The following WNT4 variants were observed in gnomAD, a reference collection of about 807,000 sequenced individuals.
WNT4 encodes the protein Wnt family member 4.
Under a neutral mutation model 34.5 loss-of-function variants are expected in WNT4, and 16 were observed. The observed-to-expected ratio is 0.46, with a 90% CI of 0.31 to 0.70. The LOEUF is 0.70. Ranked by LOEUF, WNT4 falls within the 30% of genes least tolerant of loss-of-function variation. WNT4 has a pLI of 0.04. For synonymous variants in WNT4, 200 were observed against 211.9 expected (o/e 0.94, Z 0.49); for missense variants, 379 against 495.9 (o/e 0.76, Z 2.24).
chr1:22,141,860 C>T (rs558842262), intron 1 of WNT4, among the ~76,000 whole-genome samples: 1 of 152,338 alleles, frequency 6.6e-6, no homozygotes, highest in South Asian at 2.1e-4. Flanking sequence ...TGTTGGCGAT[C>T]CCCCTTCCCA....
At chr1:22,130,734 G>A (rs776530525) in intron 1 of WNT4, among the ~76,000 whole-genome samples, 2 of 152,248 alleles carry the variant, frequency 1.3e-5, no homozygotes, top group Non-Finnish European at 2.9e-5. Context: ...TGGAGCAAGA[G>A]GGATCTGTGT....
At chr1:22,125,556 A>G (rs1188699834) in intron 2 of WNT4, among the ~76,000 whole-genome samples, 1 of 152,146 alleles carries the variant, frequency 6.6e-6, no homozygotes, top group African/African-American at 2.4e-5. Flanking sequence ...GACATGGGGA[A>G]TGGACAGACA....
chr1:22,138,678 C>T (rs1349794532), intron 1 of WNT4, among the ~76,000 whole-genome samples: 1 of 152,116 alleles, frequency 6.6e-6, no homozygotes, highest in East Asian at 1.9e-4. Context: ...GGATTTTTGA[C>T]TATTTAGAGG....
chr1:22,138,192 G>A (rs1307201881), intron 1 of WNT4, among the ~76,000 whole-genome samples: 3 of 152,310 alleles, frequency 2.0e-5, no homozygotes, highest in African/African-American at 4.8e-5. Flanking sequence ...TCTGGACATG[G>A]GAGAGCAGTT....
chr1:22,134,894 C>T lies in WNT4; in HGVS notation c.78-5043G>A, dbSNP rs1452037836. 6.6e-6 allele frequency among the ~76,000 whole-genome samples: 1 copy of T among 152,116 alleles called. No individual in the cohort carries two copies. Among genetic ancestry groups the T allele is most frequent in the Non-Finnish European group, 1.5e-5 (1 of 68,020 alleles). ...CTTGGCCCTCTTAGTCCTGGGTTCC[C>T]AGTCTTTTTTTCAGCTGATCATGCC... On this transcript the variant is annotated intron_variant, in intron 1 of 4. Transcript: ENST00000290167. This position sits in a 1 kb window ranked among gnomAD's most constrained non-coding sequence, Gnocchi z 4.1.
intron 2 of WNT4, among the ~76,000 whole-genome samples, chr1:22,126,877 G>A (rs1337217990): frequency 1.3e-5 from 2 of 152,222 alleles, no homozygotes; most frequent in East Asian, 3.8e-4. Flanking sequence ...GGACACAGAT[G>A]CTCAGGGGAG....
At chr1:22,122,942 G>A (rs1411425720) in intron 2 of WNT4, among the ~76,000 whole-genome samples, 1 of 152,198 alleles carries the variant, frequency 6.6e-6, no homozygotes, top group African/African-American at 2.4e-5. Flanking sequence ...TCTCCACCCT[G>A]GCTTGGCCAT....
In WNT4 at chr1:22,142,418, C is replaced by G. The variant is rs1357492127; in HGVS notation, c.77+428G>C. ...GCTCGGCGCAGCTCGGCGCTGGGAG[C>G]TCGCTCCGGACTTCTCGGGATTAAC... On this transcript the variant is annotated intron_variant, in intron 1 of 4. Transcript: ENST00000290167. The surrounding 1 kb of genome is among the most constrained non-coding windows in gnomAD (Gnocchi z 6.0). Among the ~76,000 whole-genome samples the G allele has an allele frequency of 6.7e-6, 1 of 149,318 alleles. No homozygotes were observed.
chr1:22,140,076 T>C lies in WNT4; in HGVS notation c.77+2770A>G, dbSNP rs1646054095. The C allele has an allele frequency of 9.1e-6, 6 of 661,156 alleles. No homozygotes were observed. Among genetic ancestry groups the C allele is most frequent in the Non-Finnish European group, 1.1e-5 (6 of 533,568 alleles). 41.0% of individuals were successfully genotyped at this position (661,156 alleles called of 1,614,324 possible). A position where few individuals can be genotyped will look rare whatever the true frequency, so the allele number is the denominator to read the frequency against. On this transcript the variant is annotated intron_variant, in intron 1 of 4. Coordinates refer to ENST00000290167, the MANE Select transcript of WNT4 (RefSeq NM_030761.5). The surrounding 1 kb of genome is among the most constrained non-coding windows in gnomAD (Gnocchi z 5.9). ...CTGAGACAACAGATAGTCCTGGCTC[T>C]CGCCACTGGCCAGCAGACCCACCCT... is the stretch of plus-strand genomic sequence containing the variant.
At chr1:22,133,004 C>T (rs1213856570) in intron 1 of WNT4, among the ~76,000 whole-genome samples, 3 of 152,124 alleles carry the variant, frequency 2.0e-5, no homozygotes, top group Admixed American at 6.6e-5. Flanking sequence ...ATCCAACTAG[C>T]ATTTGGCTCC....
rs527627594 is a variant in WNT4 at position 22,140,816 on chromosome 1, G to A, written c.77+2030C>T. ...GCTGGGTCATCCAGAGACCTGCTTC[G>A]TGGCAACCTGAACCATCACCGTTGC... On this transcript the variant is annotated intron_variant, in intron 1 of 4. Transcript: ENST00000290167. This position sits in a 1 kb window ranked among gnomAD's most constrained non-coding sequence, Gnocchi z 5.9. 2.6e-5 allele frequency among the ~76,000 whole-genome samples: 4 copies of A among 152,306 alleles called. No homozygotes were observed. Among genetic ancestry groups the A allele is most frequent in the East Asian group, 1.9e-4 (1 of 5,182 alleles).
chr1:22,120,844 C>T (rs1382018260), intron 4 of WNT4, among the ~76,000 whole-genome samples: 4 of 152,108 alleles, frequency 2.6e-5, no homozygotes, highest in Non-Finnish European at 5.9e-5. Context: ...GGGGAGTAGG[C>T]ATCCAGAAGG....
At chr1:22,120,587 C>T in intron 4 of WNT4, 70 bp from the exon 5 acceptor site, 1 of 1,493,984 alleles carries the variant, frequency 6.7e-7, no homozygotes, top group Admixed American at 2.0e-5. Context: ...GCCGCGGAGG[C>T]TGACAGCCGA....
chr1:22,124,242 G>A (rs539623544), intron 2 of WNT4, among the ~76,000 whole-genome samples: 1 of 152,346 alleles, frequency 6.6e-6, no homozygotes, highest in African/African-American at 2.4e-5. Context: ...AAGGGACGAA[G>A]GCAATCCTCG....
Position 22,142,001 on chromosome 1 carries a change from G to A in WNT4, c.77+845C>T, listed in dbSNP as rs1431442300. On this transcript the variant is annotated intron_variant, in intron 1 of 4. Coordinates refer to ENST00000290167, the MANE Select transcript of WNT4 (RefSeq NM_030761.5). The surrounding 1 kb of genome is among the most constrained non-coding windows in gnomAD (Gnocchi z 6.0). ...GGGGCATGGGGAACTGTCCCTGAGC[G>A]GGGATGAAAGGAGCGCGGGTCCGCT... is the stretch of plus-strand genomic sequence containing the variant. Among the ~76,000 whole-genome samples the A allele has an allele frequency of 6.6e-6, 1 of 152,196 alleles. No homozygotes were observed. The highest frequency in any genetic ancestry group is 1.5e-5 in the Non-Finnish European group (1 of 68,034).
intron 2 of WNT4, among the ~76,000 whole-genome samples, chr1:22,128,143 C>T (rs955035320): frequency 7.9e-5 from 12 of 152,198 alleles, no homozygotes; most frequent in Admixed American, 1.3e-4. Context: ...CAATGCCAAG[C>T]GAGATCATGC....
chr1:22,121,953 T>C (rs988021771), intron 2 of WNT4, among the ~76,000 whole-genome samples: 1 of 152,158 alleles, frequency 6.6e-6, no homozygotes, highest in African/African-American at 2.4e-5. Context: ...CCGTTCTCAC[T>C]ACCCCCACCA....
chr1:22,121,573 G>A lies in WNT4; in HGVS notation c.317C>T (p.Thr106Ile), dbSNP rs779851559. The A allele has an allele frequency of 2.5e-6, 4 of 1,612,838 alleles. No individual in the cohort carries two copies. Among genetic ancestry groups the A allele is most frequent in the African/African-American group, 1.3e-5 (1 of 74,930 alleles). ...GGCGTACACGAAGGCCGCCTCCCGA[G>A]TCCCTGTGGGAGGCAGAGGGAGGGC... is the stretch of plus-strand genomic sequence containing the variant. Reference protein sequence around the residue: ...PVFGKVVTQGTREAAFVYAIS... With the variant: ...PVFGKVVTQGIREAAFVYAIS... The change falls in exon 3 of 5, where the codon ACT becomes ATT. Residue 106 changes from threonine to isoleucine, a missense_variant. Physicochemically the swap from Thr to Ile is moderately conservative, Grantham distance 89. Transcript: ENST00000290167.
chr1:22,121,452 G>T lies in WNT4; in HGVS notation c.438C>A (p.Ser146Arg), dbSNP rs755557436. Residue 146 changes from serine to arginine, a missense_variant, in exon 3 of 5, where the codon AGC becomes AGA. Ser to Arg is a moderately radical substitution (Grantham distance 110). This residue lies in a region of WNT4 where 313 missense variants were observed against 445.8 expected (regional missense o/e 0.70). Coordinates refer to ENST00000290167, the MANE Select transcript of WNT4 (RefSeq NM_030761.5). ...ACCACCTCCTGCACCTACCCTGTGGGCTGACCCCATGCACTGTCCTGTCAC... is the reference window on the plus strand; with the variant it reads ...ACCACCTCCTGCACCTACCCTGTGGTCTGACCCCATGCACTGTCCTGTCAC... ...CGCDRTVHGV[S>R]PQGFQWSGCS... is the part of the protein sequence containing the mutation. The T allele has an allele frequency of 6.2e-7, 1 of 1,613,818 alleles. No individual in the cohort carries two copies. The highest frequency in any genetic ancestry group is 1.3e-5 in the African/African-American group (1 of 74,932).
Sources: gnomAD v4.1 joint callset for allele counts (sites outside exome capture counted in the v4.1 genomes callset) on GRCh38, gnomAD v4.1.1 for gene constraint, gnomAD v4.1.1 regional missense constraint, Gnocchi (gnomAD v3.1) non-coding constraint, MANE v1.5 for transcripts, NCBI Gene and HGNC (gene_info 2026-07-23, HGNC 2026-07-21) for gene names.